Variants in MMP16 observed in about 807,000 individuals in gnomAD.
The protein encoded by MMP16 is matrix metalloproteinase-16.
A neutral mutation model predicts 67.8 loss-of-function variants in MMP16; 12 were observed. The observed-to-expected ratio is 0.18, with a 90% confidence interval of 0.11 to 0.29. The LOEUF is 0.29. MMP16 is among the 10% of genes least tolerant of loss of function. The pLI is 1.00. For missense variants in MMP16, 475 were observed against 765.7 expected (o/e 0.62, Z 4.48); for synonymous variants, 249 against 255.9 (o/e 0.97, Z 0.26).
chr8:88,052,416 C>T (rs898410004), intron 8 of MMP16, among the ~76,000 whole-genome samples: 1 of 152,136 alleles, frequency 6.6e-6, no homozygotes, highest in African/African-American at 2.4e-5. Flanking sequence ...CACCCACCCA[C>T]TTTGCTCCAT....
At chr8:88,063,168 T>G (rs900702622) in intron 7 of MMP16, among the ~76,000 whole-genome samples, 3 of 152,146 alleles carry the variant, frequency 2.0e-5, no homozygotes, top group Admixed American at 2.0e-4. Context: ...GAGGACTTTA[T>G]AGATCATCTA....
At chr8:88,103,032 A>T (rs140952010) in intron 6 of MMP16, among the ~76,000 whole-genome samples, 29 of 151,914 alleles carry the variant, frequency 1.9e-4, no homozygotes, top group African/African-American at 7.0e-4. Flanking sequence ...CCAACATGGC[A>T]TATAATATTC....
At chr8:88,218,780 T>A (rs971809994) in intron 1 of MMP16, among the ~76,000 whole-genome samples, 1 of 152,060 alleles carries the variant, frequency 6.6e-6, no homozygotes, top group African/African-American at 2.4e-5. Flanking sequence ...AGAGAAGCGC[T>A]GCACATTAGT....
At chr8:88,245,714 A>C (rs936154030) in intron 1 of MMP16, among the ~76,000 whole-genome samples, 1 of 152,154 alleles carries the variant, frequency 6.6e-6, no homozygotes. Flanking sequence ...TCAGGTGTTC[A>C]GCAGAAGCGG....
chr8:88,261,157 T>C (rs558905216), intron 1 of MMP16, among the ~76,000 whole-genome samples: 6 of 152,294 alleles, frequency 3.9e-5, no homozygotes, highest in Admixed American at 3.9e-4. Context: ...ATACTGATTC[T>C]AATTTAATCA....
chr8:88,179,210 G>A (rs1284714504), intron 3 of MMP16, among the ~76,000 whole-genome samples: 1 of 151,810 alleles, frequency 6.6e-6, no homozygotes, highest in African/African-American at 2.4e-5. Context: ...AAGCCAGAAG[G>A]GGGTAAAATA....
At chr8:88,161,349 T>C (rs1454808397) in intron 4 of MMP16, among the ~76,000 whole-genome samples, 13 of 152,210 alleles carry the variant, frequency 8.5e-5, no homozygotes, top group Non-Finnish European at 1.8e-4. Context: ...GTGTTTATAG[T>C]ATTCTCTGAT....
intron 1 of MMP16, among the ~76,000 whole-genome samples, chr8:88,304,359 T>C (rs1033352159): frequency 6.6e-6 from 1 of 152,130 alleles, no homozygotes; most frequent in Admixed American, 6.5e-5. Context: ...CTGAACTAAG[T>C]TGAAAAACGT....
intron 1 of MMP16, among the ~76,000 whole-genome samples, chr8:88,325,749 T>G (rs1313381856): frequency 6.6e-6 from 1 of 152,228 alleles, no homozygotes; most frequent in Non-Finnish European, 1.5e-5. Context: ...TGGGTTTTTT[T>G]TGTGTAATTT....
intron 5 of MMP16, 84 bp downstream of exon 5, chr8:88,118,616 G>T: frequency 1.6e-6 from 2 of 1,240,082 alleles, no homozygotes; most frequent in South Asian, 1.3e-5. Context: ...GTTATACTTA[G>T]AGCATCTATC....
intron 1 of MMP16, among the ~76,000 whole-genome samples, chr8:88,281,489 C>T (rs935991320): frequency 6.6e-6 from 1 of 152,164 alleles, no homozygotes; most frequent in Non-Finnish European, 1.5e-5. Flanking sequence ...CTTCAGCTGC[C>T]ATGAGAAGGA....
intron 7 of MMP16, among the ~76,000 whole-genome samples, chr8:88,070,675 T>G (rs527732053): frequency 2.6e-5 from 4 of 152,260 alleles, no homozygotes; most frequent in African/African-American, 9.6e-5. Context: ...GAAAGTCTTC[T>G]GAGCTCTGCC....
intron 1 of MMP16, among the ~76,000 whole-genome samples, chr8:88,241,218 C>T (rs760525524): frequency 2.6e-5 from 4 of 151,974 alleles, no homozygotes; most frequent in Non-Finnish European, 4.4e-5. Flanking sequence ...AGTGATTGCA[C>T]CTCCATTCTG....
intron 2 of MMP16, 113 bp downstream of exon 2, chr8:88,197,045 G>C (rs1809267319): frequency 1.0e-6 from 1 of 999,490 alleles, no homozygotes; most frequent in African/African-American, 1.7e-5. Flanking sequence ...TCCAAAGAAA[G>C]TTCATGAGAC....
intron 4 of MMP16, among the ~76,000 whole-genome samples, chr8:88,151,647 G>C (rs1262281000): frequency 6.8e-6 from 1 of 146,682 alleles, no homozygotes; most frequent in Non-Finnish European, 1.5e-5. Flanking sequence ...CAGAAATAAA[G>C]ATGTTCTTTG....
At position 88,116,679 on chromosome 8, in the gene MMP16, G is replaced by C. The variant is rs772275333; in HGVS notation, c.911C>G (p.Pro304Arg). ...DKIPPPTRPL[P>R]TVPPHRSIPP... ...AATAGAGCGGTGTGGGGGCACTGTCGGTAGAGGTCTTGTAGGTGGAGGAAT... is the reference window on the plus strand; with the variant it reads ...AATAGAGCGGTGTGGGGGCACTGTCCGTAGAGGTCTTGTAGGTGGAGGAAT... The change falls in exon 6 of 10, where the codon CCG becomes CGG. Residue 304 changes from proline to arginine, a missense_variant. By Grantham distance (103) the Pro-to-Arg change is moderately radical. Transcript: ENST00000286614. 6.2e-7 allele frequency: 1 copy of C among 1,613,538 alleles called. No individual in the cohort carries two copies. Among genetic ancestry groups the C allele is most frequent in the African/African-American group, 1.3e-5 (1 of 74,832 alleles).
At chr8:88,201,312 C>T (rs1182279101) in intron 1 of MMP16, among the ~76,000 whole-genome samples, 4 of 151,942 alleles carry the variant, frequency 2.6e-5, no homozygotes, top group Non-Finnish European at 4.4e-5. Flanking sequence ...CTTTGCCAGT[C>T]CACAATGCCT....
intron 1 of MMP16, among the ~76,000 whole-genome samples, chr8:88,305,748 G>A (rs1011103581): frequency 1.3e-5 from 2 of 152,064 alleles, no homozygotes; most frequent in Non-Finnish European, 2.9e-5. Context: ...AACAGAACAA[G>A]GAGACAATGT....
At chr8:88,088,352 AG>A (rs1248384952) in intron 6 of MMP16, among the ~76,000 whole-genome samples, 1 of 151,906 alleles carries the variant, frequency 6.6e-6, no homozygotes, top group Non-Finnish European at 1.5e-5. Context: ...GGAAGCAGGC[AG>A]GGGGGTTTGC....
Sources: gnomAD v4.1 joint callset for allele counts (sites outside exome capture counted in the v4.1 genomes callset) on GRCh38, gnomAD v4.1.1 for gene constraint, MANE v1.5 for transcripts, NCBI Gene and HGNC (gene_info 2026-07-23, HGNC 2026-07-21) for gene names.